The following PGAM1 variants were observed in gnomAD, a reference collection of about 807,000 sequenced individuals.
The protein encoded by PGAM1 is phosphoglycerate mutase 1.
In PGAM1, 21 loss-of-function variants were observed where a neutral mutation model predicts 23.5. That is an observed-to-expected ratio of 0.89 (90% CI 0.63 to 1.29). The LOEUF (loss-of-function observed/expected upper bound fraction) is 1.29, where lower values mean the gene tolerates loss of function less well. Ranked by LOEUF, PGAM1 falls within the 50% of genes most tolerant of loss-of-function variation. PGAM1 has a pLI of 0.00. For missense variants in PGAM1, 232 were observed against 336.3 expected, an observed-to-expected ratio of 0.69 and a Z score of 2.42; for synonymous variants, 109 against 128.6, an observed-to-expected ratio of 0.85 and a Z score of 1.03.
chr10:97,428,542 ACTT>A (rs147537751), intron 1 of PGAM1, among the ~76,000 whole-genome samples: 4,513 of 152,290 alleles, frequency 0.03, 88 homozygotes, highest in Non-Finnish European at 0.041. Flanking sequence ...CCTAAGCGGA[ACTT>A]CTTTTCTCCT....
At position 97,426,248 on chromosome 10, in the gene PGAM1, G is replaced by A. The variant is rs1845406657; in HGVS notation, c.-60G>A. Reference sequence around the variant, plus strand: ...CGAGCGCGCAGGCGCGGCCGACGGGGCGGGCTGCTACTCCGGAATCTGCTA... The same window carrying A: ...CGAGCGCGCAGGCGCGGCCGACGGGACGGGCTGCTACTCCGGAATCTGCTA... On this transcript the variant is annotated 5_prime_UTR_variant, in exon 1 of 4. Coordinates refer to ENST00000334828, the MANE Select transcript of PGAM1 (RefSeq NM_002629.4). 4.4e-6 allele frequency: 7 copies of A among 1,608,424 alleles called. No individual in the cohort carries two copies. Among genetic ancestry groups the A allele is most frequent in the Non-Finnish European group, 5.9e-6 (7 of 1,178,308 alleles).
intron 1 of PGAM1, among the ~76,000 whole-genome samples, chr10:97,430,003 G>A (rs1472930719): frequency 7.0e-6 from 1 of 142,122 alleles, no homozygotes; most frequent in Non-Finnish European, 1.5e-5. Context: ...CCGAGACCAC[G>A]CCACTGCACT....
chr10:97,429,167 G>T (rs1359294249), intron 1 of PGAM1, among the ~76,000 whole-genome samples: 10 of 144,248 alleles, frequency 6.9e-5, no homozygotes, highest in African/African-American at 2.1e-4. Flanking sequence ...GCAGTGGCGC[G>T]ATCTCAGCTC....
At position 97,431,144 on chromosome 10, in the gene PGAM1, G is replaced by GT. The variant is rs1564784123; in HGVS notation, c.595+15dup. The GT allele has an allele frequency of 1.2e-6, 2 of 1,614,192 alleles. No individual in the cohort carries two copies. The highest frequency in any genetic ancestry group is 1.7e-6 in the Non-Finnish European group (2 of 1,180,030). The stretch of plus-strand genomic sequence containing the variant: ...TGTCAAGCATCTGGAGGGTATGTAT[G>GT]TTTTTTCAGAGGCGCCCTCAAGGAA... On this transcript the variant is annotated intron_variant, in intron 3 of 3. Coordinates refer to ENST00000334828, the MANE Select transcript of PGAM1 (RefSeq NM_002629.4).
intron 2 of PGAM1, 128 bp from the exon 3 acceptor site, chr10:97,430,824 CTTT>C: frequency 6.7e-7 from 1 of 1,484,528 alleles, no homozygotes; most frequent in East Asian, 2.3e-5. Flanking sequence ...TTACTATCTC[CTTT>C]TTTGTGTTTC....
rs578227420 is a variant in PGAM1, at chr10:97,426,268, C to T, written c.-40C>T. 4.3e-6 allele frequency: 7 copies of T among 1,609,690 alleles called. No homozygotes were observed. The South Asian group carries it at 4.4e-5, about 10-fold the overall frequency. On this transcript the variant is annotated 5_prime_UTR_variant, in exon 1 of 4. Coordinates refer to ENST00000334828, the MANE Select transcript of PGAM1 (RefSeq NM_002629.4). The stretch of plus-strand genomic sequence containing the variant: ...ACGGGGCGGGCTGCTACTCCGGAAT[C>T]TGCTAATCCCAGTCGGTGCCGCATC...
Position 97,431,101 on chromosome 10 carries a change from C to T in PGAM1, c.561C>T (p.Gly187=). The stretch of plus-strand genomic sequence containing the variant: ...AACGTGTACTGATTGCAGCCCATGG[C>T]AACAGCCTCCGGGGCATTGTCAAGC... The part of the protein sequence containing the change: ...EGKRVLIAAH[G]NSLRGIVKHL... Residue 187 remains glycine, a synonymous_variant, in exon 3 of 4, where the codon GGC becomes GGT. Coordinates refer to ENST00000334828, the MANE Select transcript of PGAM1 (RefSeq NM_002629.4). 1 of 1,614,158 alleles carries T rather than the reference C, an allele frequency of 6.2e-7. No individual in the cohort carries two copies. Among genetic ancestry groups the T allele is most frequent in the Non-Finnish European group, 8.5e-7 (1 of 1,180,038 alleles).
intron 3 of PGAM1, among the ~76,000 whole-genome samples, chr10:97,431,689 C>T (rs1475542442): frequency 6.6e-6 from 1 of 152,064 alleles, no homozygotes; most frequent in African/African-American, 2.4e-5. Context: ...AGTTCAAAAC[C>T]AGCCTGAGCA....
chr10:97,429,191 C>T (rs1381297801), intron 1 of PGAM1, among the ~76,000 whole-genome samples: 1 of 150,930 alleles, frequency 6.6e-6, no homozygotes, highest in Non-Finnish European at 1.5e-5. Context: ...GCAAGCTCCG[C>T]CTCCCGGATT....
intron 3 of PGAM1, among the ~76,000 whole-genome samples, chr10:97,431,903 A>G (rs80329751): frequency 6.7e-6 from 1 of 149,322 alleles, no homozygotes; most frequent in Non-Finnish European, 1.5e-5. Context: ...AAAAAAAAAA[A>G]GGAAAACAAA....
In PGAM1 at chr10:97,427,191, G is replaced by A. The variant is rs1489747343; in HGVS notation, c.139+745G>A. 4 of 759,798 alleles carry A rather than the reference G, an allele frequency of 5.3e-6. No homozygotes were observed. The East Asian group carries it at 5.1e-4, about 98-fold the overall frequency. The allele number at this position is 759,798 out of a possible 1,614,324, so 47.1% of individuals were successfully genotyped here. A position where few individuals can be genotyped will look rare whatever the true frequency, so the allele number is the denominator to read the frequency against. Reference sequence around the variant, plus strand: ...TGTGCCTTAAAGCAGCTGTAACCAAGGCCTCTCAAGAGGCGGCTACGGATC... The same window carrying A: ...TGTGCCTTAAAGCAGCTGTAACCAAAGCCTCTCAAGAGGCGGCTACGGATC... On this transcript the variant is annotated intron_variant, in intron 1 of 3. Transcript: ENST00000334828.
chr10:97,427,535 A>T, intron 1 of PGAM1: 4 of 1,097,962 alleles, frequency 3.6e-6, no homozygotes, highest in Non-Finnish European at 4.5e-6. Flanking sequence ...TTCCTAGTCC[A>T]GTGTCCTCGC....
At chr10:97,431,712 C>T (rs1280925590) in intron 3 of PGAM1, among the ~76,000 whole-genome samples, 1 of 152,034 alleles carries the variant, frequency 6.6e-6, no homozygotes, top group Admixed American at 6.6e-5. Flanking sequence ...AAAGCAAGAC[C>T]TTGTCTGTAC....
intron 1 of PGAM1, chr10:97,427,364 C>G: frequency 2.0e-6 from 2 of 998,162 alleles, no homozygotes; most frequent in Non-Finnish European, 2.4e-6. Context: ...GTGTCCAAAA[C>G]GCATCTGTAG....
chr10:97,427,378 T>C (rs1271364801), intron 1 of PGAM1: 1 of 1,004,484 alleles, frequency 1.0e-6, no homozygotes, highest in Admixed American at 5.6e-5. Flanking sequence ...TCTGTAGATG[T>C]AACTTGAGTG....
intron 1 of PGAM1, chr10:97,428,044 C>A: frequency 1.3e-6 from 1 of 745,176 alleles, no homozygotes; most frequent in South Asian, 1.5e-5. Flanking sequence ...TAAAGGAGGC[C>A]ATTTTCTTTA....
At chr10:97,427,893 A>G (rs571961324) in intron 1 of PGAM1, 9 of 1,289,340 alleles carry the variant, frequency 7.0e-6, no homozygotes, top group South Asian at 2.5e-5. Flanking sequence ...TCACTGTACC[A>G]TCCTTCTCAA....
Position 97,432,588 on chromosome 10 carries a change from T to G in PGAM1, c.*64T>G. On this transcript the variant is annotated 3_prime_UTR_variant, in exon 4 of 4. Transcript: ENST00000334828. ...CCTGCCCGTCTTGTCCCTCTGCCCC[T>G]CCCACCTGCACATGTCACACTGACC... is the stretch of plus-strand genomic sequence containing the variant. 1 of 1,065,870 alleles carries G rather than the reference T, an allele frequency of 9.4e-7. No homozygotes were observed. Among genetic ancestry groups the G allele is most frequent in the South Asian group, 1.3e-5 (1 of 74,476 alleles). 66.0% of individuals were successfully genotyped at this position (1,065,870 alleles called of 1,614,324 possible).
intron 1 of PGAM1, 86 bp from the exon 2 acceptor site, chr10:97,430,293 C>T (rs1845455177): frequency 6.7e-7 from 1 of 1,500,494 alleles, no homozygotes; most frequent in Non-Finnish European, 9.2e-7. Context: ...GTCATTTGGA[C>T]TACTTGTACA....
Sources: gnomAD v4.1 joint callset for allele counts (sites outside exome capture counted in the v4.1 genomes callset) on GRCh38, gnomAD v4.1.1 for gene constraint, MANE v1.5 for transcripts, NCBI Gene and HGNC (gene_info 2026-07-23, HGNC 2026-07-21) for gene names.